Variants in CDH12 observed in about 807,000 individuals in gnomAD.
CDH12 encodes the protein cadherin 12.
In CDH12, 41 loss-of-function variants were observed where a neutral mutation model predicts 74.1. The ratio of observed to expected loss-of-function variants is 0.55; its 90% CI spans 0.43 to 0.72. The LOEUF (loss-of-function observed/expected upper bound fraction) is 0.72. Among genes scored for constraint, CDH12 ranks in the 30% least tolerant of loss-of-function variants. The pLI is 0.00. For missense variants in CDH12, 945 were observed against 977.2 expected (o/e 0.97, Z 0.44); for synonymous variants, 399 against 355.0 (o/e 1.12, Z -1.39).
intron 4 of CDH12, among the ~76,000 whole-genome samples, chr5:22,085,220 T>C (rs1295604076): frequency 5.9e-5 from 9 of 152,128 alleles, no homozygotes; most frequent in Non-Finnish European, 1.2e-4. Flanking sequence ...AGATATTTAG[T>C]TGTGAAATAC....
chr5:22,179,561 A>G (rs1183413497), intron 4 of CDH12, among the ~76,000 whole-genome samples: 1 of 152,206 alleles, frequency 6.6e-6, no homozygotes, highest in Non-Finnish European at 1.5e-5. Flanking sequence ...GCAATAAATT[A>G]AAAGATTATA....
intron 3 of CDH12, among the ~76,000 whole-genome samples, chr5:22,372,377 G>A (rs550413742): frequency 5.2e-4 from 79 of 152,212 alleles, no homozygotes; most frequent in African/African-American, 1.8e-3. Flanking sequence ...GAAAGGGTAA[G>A]TGAGGGACCC....
intron 4 of CDH12, chr5:22,144,271 T>A (rs1229688560): frequency 6.6e-6 from 1 of 152,178 alleles, no homozygotes; most frequent in African/African-American, 2.4e-5. Flanking sequence ...CAGTAAATTT[T>A]AAATATCATA....
Position 22,282,945 on chromosome 5 carries a change from T to A in CDH12, c.-332-70302A>T, listed in dbSNP as rs544077534. Reference sequence around the variant, plus strand: ...CTATAAAGACACAAGCACACGTATGTTTATTGGGGCACTGTTCACAATAGC... The same window carrying A: ...CTATAAAGACACAAGCACACGTATGATTATTGGGGCACTGTTCACAATAGC... On this transcript the variant is annotated intron_variant, in intron 3 of 14. Transcript: ENST00000382254. 4.6e-5 allele frequency among the ~76,000 whole-genome samples: 7 copies of A among 152,014 alleles called. No homozygotes were observed. In the East Asian group the frequency reaches 1.4e-3, roughly 29 times the overall value.
intron 3 of CDH12, among the ~76,000 whole-genome samples, chr5:22,277,531 C>T (rs763870858): frequency 6.6e-5 from 10 of 151,882 alleles, no homozygotes; most frequent in Non-Finnish European, 1.3e-4. Flanking sequence ...GACGTATGTT[C>T]TGATTAAAAA....
At chr5:22,685,439 C>T (rs546439218) in intron 1 of CDH12, among the ~76,000 whole-genome samples, 8 of 152,132 alleles carry the variant, frequency 5.3e-5, no homozygotes, top group African/African-American at 9.6e-5. Context: ...GGTTTCACTA[C>T]GTCGGCCAGG....
intron 1 of CDH12, among the ~76,000 whole-genome samples, chr5:22,651,383 G>A (rs1437804018): frequency 6.6e-6 from 1 of 152,116 alleles, no homozygotes; most frequent in African/African-American, 2.4e-5. Flanking sequence ...TCACAGTTCA[G>A]CATGGCTGGG....
intron 5 of CDH12, among the ~76,000 whole-genome samples, chr5:22,002,975 A>C (rs1315461015): frequency 1.3e-5 from 2 of 152,100 alleles, no homozygotes; most frequent in African/African-American, 4.8e-5. Context: ...TGCTTTCAAA[A>C]ATGATATAGC....
At chr5:22,070,719 T>A (rs1180051828) in intron 5 of CDH12, among the ~76,000 whole-genome samples, 1 of 152,160 alleles carries the variant, frequency 6.6e-6, no homozygotes, top group Non-Finnish European at 1.5e-5. Flanking sequence ...TTAGCACAGA[T>A]TTTTTCACAT....
Position 22,078,800 on chromosome 5 carries a change from G to T in CDH12, c.-124C>A. ...CTTCTTGTTTTATTGCAGAAATGAT[G>T]ATGCAGGCATTAATCCTTTTGATGA... On this transcript the variant is annotated 5_prime_UTR_variant, in exon 5 of 15. It introduces an in-frame stop codon into an upstream open reading frame of the 5' UTR. Transcript: ENST00000382254. 1 of 1,459,880 alleles carries T rather than the reference G, an allele frequency of 6.8e-7. No individual in the cohort carries two copies. Among genetic ancestry groups the T allele is most frequent in the Admixed American group, 2.7e-5 (1 of 36,790 alleles). 90.4% of individuals were successfully genotyped at this position (1,459,880 alleles called of 1,614,324 possible). A position where few individuals can be genotyped will look rare whatever the true frequency, so the allele number is the denominator to read the frequency against.
chr5:22,649,242 T>G (rs919361476), intron 1 of CDH12, among the ~76,000 whole-genome samples: 2 of 151,990 alleles, frequency 1.3e-5, no homozygotes, highest in African/African-American at 4.8e-5. Flanking sequence ...TTTCCATTGT[T>G]TGCAACAGCG....
intron 5 of CDH12, among the ~76,000 whole-genome samples, chr5:22,034,583 A>G (rs891360066): frequency 1.3e-5 from 2 of 152,194 alleles, no homozygotes; most frequent in African/African-American, 2.4e-5. Context: ...AAAGATGACA[A>G]TTAATAAAGG....
At chr5:22,128,585 A>G (rs562505189) in intron 4 of CDH12, among the ~76,000 whole-genome samples, 57 of 152,334 alleles carry the variant, frequency 3.7e-4, no homozygotes, top group African/African-American at 1.3e-3. Flanking sequence ...TATATCAACT[A>G]TAAGTACAAA....
intron 1 of CDH12, among the ~76,000 whole-genome samples, chr5:22,581,159 A>C (rs1740079715): frequency 5.9e-5 from 9 of 152,222 alleles, no homozygotes; most frequent in Admixed American, 5.9e-4. Flanking sequence ...AAATGTTTCC[A>C]GGGCATGTCA....
intron 1 of CDH12, among the ~76,000 whole-genome samples, chr5:22,535,058 G>A (rs947264827): frequency 6.9e-6 from 1 of 145,476 alleles, no homozygotes; most frequent in African/African-American, 2.5e-5. Context: ...TGCAAGCTTC[G>A]CCTCCCGGGT....
chr5:22,259,465 T>G (rs1307190512), intron 3 of CDH12, among the ~76,000 whole-genome samples: 2 of 152,036 alleles, frequency 1.3e-5, no homozygotes, highest in African/African-American at 4.8e-5. Context: ...TCTGAAACAT[T>G]TCAAATAAGA....
intron 3 of CDH12, among the ~76,000 whole-genome samples, chr5:22,220,702 T>C (rs1361440585): frequency 6.6e-6 from 1 of 151,686 alleles, no homozygotes; most frequent in Admixed American, 6.6e-5. Context: ...TTTAGATAGC[T>C]ACATAAAATT....
At chr5:22,455,057 G>T (rs558385909) in intron 2 of CDH12, among the ~76,000 whole-genome samples, 1 of 152,256 alleles carries the variant, frequency 6.6e-6, no homozygotes, top group East Asian at 1.9e-4. Context: ...GGAAACTTTT[G>T]TAGATTTTGT....
chr5:22,161,958 T>G (rs1382817116), intron 4 of CDH12, among the ~76,000 whole-genome samples: 1 of 151,644 alleles, frequency 6.6e-6, no homozygotes, highest in Non-Finnish European at 1.5e-5. Flanking sequence ...CTTGTCGAAG[T>G]CACTACAACA....
Sources: allele counts gnomAD v4.1 joint callset (sites outside exome capture counted in the v4.1 genomes callset), GRCh38; gene constraint gnomAD v4.1.1; transcripts MANE v1.5; gene names NCBI Gene and HGNC (gene_info 2026-07-23, HGNC 2026-07-21).